The following MED13L variants were observed in gnomAD, a reference collection of about 807,000 sequenced individuals.
MED13L encodes the protein mediator complex subunit 13L, also known as mediator of RNA polymerase II transcription subunit 13-like.
Under a neutral mutation model 220.9 loss-of-function variants are expected in MED13L, and 7 were observed. The ratio of observed to expected loss-of-function variants is 0.03; its 90% CI spans 0.02 to 0.06. The LOEUF (loss-of-function observed/expected upper bound fraction) is 0.06, where lower values mean the gene tolerates loss of function less well. Among genes scored for constraint, MED13L ranks in the 10% least tolerant of loss-of-function variants. The probability of loss-of-function intolerance (pLI) is 1.00; values close to 1 mark genes in which losing one functional copy is unlikely to be tolerated. For synonymous variants in MED13L, 1,011 were observed against 1,015.2 expected (o/e 1.00, Z 0.08); for missense variants, 1,965 against 2,760.5 (o/e 0.71, Z 6.46).
intron 17 of MED13L, among the ~76,000 whole-genome samples, chr12:115,988,809 T>C (rs1008959847): frequency 2.6e-5 from 4 of 152,208 alleles, no homozygotes; most frequent in Non-Finnish European, 2.9e-5. Context: ...ACACCACTGA[T>C]TCATGCACAC....
intron 2 of MED13L, among the ~76,000 whole-genome samples, chr12:116,156,632 A>G (rs572556380): frequency 6.6e-6 from 1 of 152,320 alleles, no homozygotes; most frequent in South Asian, 2.1e-4. Flanking sequence ...TTAAGTTCAG[A>G]AGAGGTTTTA....
intron 2 of MED13L, among the ~76,000 whole-genome samples, chr12:116,204,700 G>A (rs1228030022): frequency 6.6e-6 from 1 of 151,956 alleles, no homozygotes; most frequent in East Asian, 1.9e-4. Context: ...ATCTTGTTCT[G>A]ACCCACTGTT....
Position 116,022,725 on chromosome 12 carries a change from T to G in MED13L, c.480-124A>C, listed in dbSNP as rs547791496. 16 of 1,035,686 alleles carry G rather than the reference T, an allele frequency of 1.5e-5. No homozygotes were observed. The African/African-American group carries it at 2.1e-4, about 13-fold the overall frequency. 64.2% of individuals were successfully genotyped at this position (1,035,686 alleles called of 1,614,324 possible). On this transcript the variant is annotated intron_variant, in intron 4 of 30. Coordinates refer to ENST00000281928, the MANE Select transcript of MED13L (RefSeq NM_015335.5). ...GTCCAGTAAGGCTGACTTCTAATTG[T>G]GGGCAAAAGAGAAACTTCTAATTCA...
At chr12:116,186,804 T>C (rs1267351014) in intron 2 of MED13L, among the ~76,000 whole-genome samples, 4 of 152,204 alleles carry the variant, frequency 2.6e-5, no homozygotes, top group Non-Finnish European at 4.4e-5. Flanking sequence ...GATCCAATAA[T>C]AACTTTTATA....
At chr12:116,120,457 TCTCTCTCTCTCTCTCTCTCTCA>T (rs1205719679) in intron 2 of MED13L, among the ~76,000 whole-genome samples, 4 of 136,224 alleles carry the variant, frequency 2.9e-5, no homozygotes, top group Non-Finnish European at 6.3e-5. Flanking sequence ...TCTCTCTCTC[TCTCTCTCTCTCTCTCTCTCTCA>T]CACACACACA....
chr12:116,275,394 T>C (rs560209362), intron 1 of MED13L, among the ~76,000 whole-genome samples: 2 of 152,290 alleles, frequency 1.3e-5, no homozygotes, highest in South Asian at 4.1e-4. Flanking sequence ...AATATCTGGA[T>C]TAAAATATTT....
intron 4 of MED13L, among the ~76,000 whole-genome samples, chr12:116,046,886 T>C (rs552679068): frequency 2.0e-5 from 3 of 152,024 alleles, no homozygotes; most frequent in African/African-American, 4.8e-5. Context: ...GGCAGGAGAA[T>C]GGCATGAACC....
At chr12:116,102,117 C>T (rs531647236) in intron 3 of MED13L, among the ~76,000 whole-genome samples, 1 of 152,342 alleles carries the variant, frequency 6.6e-6, no homozygotes, top group South Asian at 2.1e-4. Flanking sequence ...AAGAAAACAG[C>T]TGCTGAAAAA....
intron 2 of MED13L, among the ~76,000 whole-genome samples, chr12:116,116,974 T>C (rs970377260): frequency 1.3e-5 from 2 of 151,388 alleles, no homozygotes; most frequent in Non-Finnish European, 2.9e-5. Flanking sequence ...TTTCTCCTAC[T>C]GTACTCTCAC....
In MED13L at chr12:115,997,120, C is replaced by T; in HGVS notation, c.2680G>A (p.Ala894Thr). ...KDGISSETVT[A>T]LGMMESPMVS... is the part of the protein sequence containing the mutation. The stretch of plus-strand genomic sequence containing the variant: ...ATAGGGCTCTCCATCATGCCTAATG[C>T]TGTCACTGTCTCTGAGCTGATCCCA... The change falls in exon 15 of 31, where the codon GCA becomes ACA. Residue 894 changes from alanine (A) to threonine (T), a missense_variant. Transcript: ENST00000281928. The T allele has an allele frequency of 2.5e-6, 4 of 1,613,992 alleles. No homozygotes were observed. The highest frequency in any genetic ancestry group is 3.4e-6 in the Non-Finnish European group (4 of 1,179,866).
intron 2 of MED13L, among the ~76,000 whole-genome samples, chr12:116,203,272 G>A (rs1376363806): frequency 2.6e-5 from 4 of 152,134 alleles, no homozygotes; most frequent in African/African-American, 7.2e-5. Context: ...GCTTGCAAAT[G>A]TTTACAAAAT....
Position 116,205,509 on chromosome 12 carries a change from T to TA in MED13L, c.310+31958dup, listed in dbSNP as rs1345378102. 3.7e-3 allele frequency among the ~76,000 whole-genome samples: 226 copies of TA among 60,396 alleles called. 1 individual carries two copies. The highest frequency in any genetic ancestry group is 0.014 in the South Asian group (30 of 2,130). The allele number at this position is 60,396 out of a possible 152,430, so 39.6% of individuals were successfully genotyped here. On this transcript the variant is annotated intron_variant, in intron 2 of 30. Transcript: ENST00000281928. ...ATCACCTTCTCAACTGTTCTACCAT[T>TA]AAAAAAAAAAAACAAAGGAAGAGAA...
At chr12:116,243,414 T>C (rs1870824519) in intron 1 of MED13L, among the ~76,000 whole-genome samples, 1 of 152,138 alleles carries the variant, frequency 6.6e-6, no homozygotes. Flanking sequence ...AAGTGGCAGA[T>C]ACTCCCCTGG....
At chr12:116,140,272 T>C (rs904610725) in intron 2 of MED13L, among the ~76,000 whole-genome samples, 1 of 152,184 alleles carries the variant, frequency 6.6e-6, no homozygotes, top group African/African-American at 2.4e-5. Context: ...CATTCCCAAT[T>C]AGAGTGTAAG....
chr12:116,008,658 A>G lies in MED13L; in HGVS notation c.1755T>C (p.Asn585=). Residue 585 remains asparagine, a synonymous_variant, in exon 10 of 31, where the codon AAT becomes AAC. Coordinates refer to ENST00000281928, the MANE Select transcript of MED13L (RefSeq NM_015335.5). The part of the protein sequence containing the change: ...SVPVNPALYG[N]GLELQQLSTL... ...TAGACAACTGCTGGAGTTCTAGTCC[A>G]TTTCCATAAAGGGCTGGATTCACAG... is the stretch of plus-strand genomic sequence containing the variant. The G allele has an allele frequency of 6.2e-7, 1 of 1,614,034 alleles. No individual in the cohort carries two copies. The highest frequency in any genetic ancestry group is 8.5e-7 in the Non-Finnish European group (1 of 1,179,988).
In MED13L at chr12:115,963,592, TGCC is replaced by T; in HGVS notation, c.6388-76_6388-74del. On this transcript the variant is annotated intron_variant, in intron 29 of 30. Coordinates refer to ENST00000281928, the MANE Select transcript of MED13L (RefSeq NM_015335.5). ...GTGCAGAAGTGAGGGAGGCCATGTC[TGCC>T]AGAAGCAGATGCTCCCAAAAGTCCG... 2.6e-6 allele frequency: 3 copies of T among 1,151,572 alleles called. No homozygotes were observed. In the East Asian group the frequency reaches 7.4e-5, roughly 28 times the overall value. The allele number at this position is 1,151,572 out of a possible 1,614,324, so 71.3% of individuals were successfully genotyped here.
intron 3 of MED13L, 96 bp from the exon 4 acceptor site, chr12:116,096,848 A>G: frequency 1.2e-6 from 1 of 852,494 alleles, no homozygotes; most frequent in East Asian, 2.5e-5. Context: ...CACCAAAAAT[A>G]AAAACACCAC....
chr12:115,987,080 A>G, intron 18 of MED13L, 29 bp downstream of exon 18: 1 of 1,611,974 alleles, frequency 6.2e-7, no homozygotes, highest in Non-Finnish European at 8.5e-7. Flanking sequence ...TGAAGTCAGA[A>G]GGAATTTTAA....
intron 25 of MED13L, among the ~76,000 whole-genome samples, chr12:115,973,038 T>C (rs1287659547): frequency 6.6e-6 from 1 of 152,016 alleles, no homozygotes; most frequent in Non-Finnish European, 1.5e-5. Flanking sequence ...ACACTTTTTT[T>C]CCCCCAAATA....
Sources: gnomAD v4.1 joint callset for allele counts (sites outside exome capture counted in the v4.1 genomes callset) on GRCh38, gnomAD v4.1.1 for gene constraint, MANE v1.5 for transcripts, NCBI Gene and HGNC (gene_info 2026-07-23, HGNC 2026-07-21) for gene names.